Variants in ZMYM6 observed in about 807,000 individuals in gnomAD.
ZMYM6 encodes the protein zinc finger MYM-type containing 6.
ZMYM6 carries 90 observed loss-of-function variants against 134.0 expected under a neutral mutation model. That is an observed-to-expected ratio of 0.67 (90% CI 0.57 to 0.80). ZMYM6 has a LOEUF of 0.80. Ranked by LOEUF, ZMYM6 falls within the 30% of genes least tolerant of loss-of-function variation. The pLI is 0.00. For missense variants in ZMYM6, 1,362 were observed against 1,533.9 expected, an observed-to-expected ratio of 0.89 and a Z score of 1.87; for synonymous variants, 481 against 524.1, an observed-to-expected ratio of 0.92 and a Z score of 1.12.
intron 4 of ZMYM6, among the ~76,000 whole-genome samples, chr1:35,015,743 A>AAAAAAAAAT: frequency 6.6e-5 from 7 of 106,470 alleles, no homozygotes; most frequent in African/African-American, 4.6e-4. Context: ...AAAAAAAAAA[A>AAAAAAAAAT]ATATATATAT....
chr1:34,987,900 T>C lies in ZMYM6; in HGVS notation c.3182A>G (p.His1061Arg). Residue 1061 changes from histidine to arginine, a missense_variant, in exon 16 of 16, where the codon CAT becomes CGT. Physicochemically the swap from His to Arg is conservative, Grantham distance 29 (BLOSUM62 0). Transcript: ENST00000357182. The stretch of plus-strand genomic sequence containing the variant: ...TTCAGCATGAAGCGGTAAACTCACA[T>C]GCTCAGATCCCATCTCTTCACACAA... ...TILCEEMGSE[H>R]VSLPLHAEVR... 1.3e-6 allele frequency: 2 copies of C among 1,551,708 alleles called. No individual in the cohort carries two copies. The highest frequency in any genetic ancestry group is 8.7e-7 in the Non-Finnish European group (1 of 1,146,980).
chr1:35,023,844 G>A lies in ZMYM6; in HGVS notation c.94-3377C>T, dbSNP rs994547080. ...TCACCGTGTTAGCCAGGATGGTCTC[G>A]ATCTCCTGACCTCGTGATCTGCCCG... On this transcript the variant is annotated intron_variant, in intron 2 of 15. Transcript: ENST00000357182. 2.0e-5 allele frequency among the ~76,000 whole-genome samples: 3 copies of A among 151,644 alleles called. No individual in the cohort carries two copies. In the South Asian group the frequency reaches 6.2e-4, roughly 32 times the overall value.
chr1:34,990,426 T>C (rs556646608), intron 15 of ZMYM6: 1 of 164,500 alleles, frequency 6.1e-6, no homozygotes, highest in South Asian at 1.4e-4. Flanking sequence ...GAGGTTGCAG[T>C]GAGCCGAGAT....
At chr1:35,029,503 T>A (rs1451952967) in intron 2 of ZMYM6, among the ~76,000 whole-genome samples, 2 of 152,214 alleles carry the variant, frequency 1.3e-5, no homozygotes, top group African/African-American at 4.8e-5. Context: ...AAGTTAATAA[T>A]GTCACATATG....
chr1:35,006,571 T>C (rs1397634717), intron 12 of ZMYM6, among the ~76,000 whole-genome samples: 1 of 152,238 alleles, frequency 6.6e-6, no homozygotes, highest in Non-Finnish European at 1.5e-5. Flanking sequence ...TCACAGCAAC[T>C]ATATTAACTA....
intron 14 of ZMYM6, among the ~76,000 whole-genome samples, chr1:34,998,892 C>T (rs1188257609): frequency 2.0e-5 from 3 of 151,918 alleles, no homozygotes; most frequent in African/African-American, 4.8e-5. Flanking sequence ...GAGGCTGAGG[C>T]GGGAGGATGG....
intron 4 of ZMYM6, among the ~76,000 whole-genome samples, 165 bp from the exon 5 acceptor site, chr1:35,015,327 G>A (rs1323826062): frequency 6.6e-6 from 1 of 152,140 alleles, no homozygotes; most frequent in African/African-American, 2.4e-5. Context: ...TTTATCAGGT[G>A]AGTGACAATG....
At chr1:35,005,546 A>G (rs1480777491) in intron 12 of ZMYM6, among the ~76,000 whole-genome samples, 1 of 151,272 alleles carries the variant, frequency 6.6e-6, no homozygotes, top group Admixed American at 6.6e-5. Context: ...CTGTAATCCC[A>G]GCTACTTGGG....
At chr1:34,994,987 CTATATGTA>C (rs1441412572) in intron 14 of ZMYM6, among the ~76,000 whole-genome samples, 2 of 144,428 alleles carry the variant, frequency 1.4e-5, no homozygotes, top group Non-Finnish European at 3.0e-5. Flanking sequence ...ATATACATAT[CTATATGTA>C]TATATGTATA....
At position 34,987,756 on chromosome 1, in the gene ZMYM6, C is replaced by G; in HGVS notation, c.3326G>C (p.Trp1109Ser). Residue 1109 changes from tryptophan (W) to serine (S), a missense_variant, in exon 16 of 16, where the codon TGG becomes TCG. Around this residue, in one of 3 missense-constraint regions of ZMYM6, gnomAD observed 824 missense variants for 940.9 expected, o/e 0.88. Coordinates refer to ENST00000357182, the MANE Select transcript of ZMYM6 (RefSeq NM_007167.4). ...TGATAAGTAGGCCAGCTTTCCAACC[C>G]ATTCCTCATCATGAAAATACTTGGC... ...DLAKYFHDEEWVGKLAYLSDI... is the reference protein window; with the variant it reads ...DLAKYFHDEESVGKLAYLSDI... The G allele has an allele frequency of 6.4e-7, 1 of 1,551,464 alleles. No individual in the cohort carries two copies. The highest frequency in any genetic ancestry group is 8.7e-7 in the Non-Finnish European group (1 of 1,146,950).
chr1:35,009,201 C>T (rs764867498), intron 10 of ZMYM6, among the ~76,000 whole-genome samples: 20 of 152,154 alleles, frequency 1.3e-4, no homozygotes, highest in Admixed American at 4.6e-4. Flanking sequence ...CAGGTTCAAA[C>T]GATTCTCCTG....
At chr1:34,992,066 T>C (rs952723130) in intron 15 of ZMYM6, 168 bp downstream of exon 15, 84 of 842,794 alleles carry the variant, frequency 1.0e-4, no homozygotes, top group Non-Finnish European at 1.5e-4. Context: ...GTTATTAGTG[T>C]TAATAATTAT....
At chr1:34,999,657 T>C (rs186056009) in intron 14 of ZMYM6, among the ~76,000 whole-genome samples, 1 of 152,046 alleles carries the variant, frequency 6.6e-6, no homozygotes, top group East Asian at 1.9e-4. Context: ...AAAACAGAAA[T>C]ATAAGCAAAC....
chr1:35,029,943 GAAGGGACT>G (rs1641487603), intron 2 of ZMYM6, among the ~76,000 whole-genome samples: 1 of 152,160 alleles, frequency 6.6e-6, no homozygotes, highest in Non-Finnish European at 1.5e-5. Flanking sequence ...CTCTACAAGG[GAAGGGACT>G]AAGCTGACTT....
intron 9 of ZMYM6, 67 bp downstream of exon 9, chr1:35,010,691 A>G (rs752780725): frequency 6.5e-7 from 1 of 1,540,438 alleles, no homozygotes; most frequent in Admixed American, 2.2e-5. Context: ...AGTGATCAAA[A>G]TTGAAAACAC....
chr1:35,007,880 T>TA (rs927882426), intron 11 of ZMYM6, among the ~76,000 whole-genome samples: 24 of 147,908 alleles, frequency 1.6e-4, no homozygotes, highest in Non-Finnish European at 2.6e-4. Flanking sequence ...AAAAAGTAAG[T>TA]AAAAAAAAAA....
chr1:34,992,125 G>A, intron 15 of ZMYM6, 109 bp downstream of exon 15: 4 of 1,410,588 alleles, frequency 2.8e-6, no homozygotes, highest in Non-Finnish European at 4.0e-6. Context: ...GAAAAGGAAT[G>A]TTTTCACATT....
chr1:35,029,385 G>A (rs1390058775), intron 2 of ZMYM6, among the ~76,000 whole-genome samples: 1 of 152,142 alleles, frequency 6.6e-6, no homozygotes, highest in Non-Finnish European at 1.5e-5. Flanking sequence ...GTGATCTGTG[G>A]TAAACTATTT....
chr1:34,997,349 A>T (rs1359929203), intron 14 of ZMYM6, among the ~76,000 whole-genome samples: 7 of 152,086 alleles, frequency 4.6e-5, no homozygotes, highest in Non-Finnish European at 5.9e-5. Context: ...TGTCACCCAG[A>T]CTGGAGTGCA....
Sources: allele counts gnomAD v4.1 joint callset (sites outside exome capture counted in the v4.1 genomes callset), GRCh38; gene constraint gnomAD v4.1.1; regional missense constraint gnomAD v4.1.1; transcripts MANE v1.5; gene names NCBI Gene and HGNC (gene_info 2026-07-23, HGNC 2026-07-21).